Variants in RALGDS observed in about 807,000 individuals in gnomAD.
RALGDS encodes the protein ral guanine nucleotide exchange factor.
In RALGDS, 44 loss-of-function variants were observed where a neutral mutation model predicts 99.8. The observed-to-expected ratio is 0.44, with a 90% CI of 0.35 to 0.57. The LOEUF is 0.57. Among genes scored for constraint, RALGDS ranks in the 20% least tolerant of loss-of-function variants. The probability of loss-of-function intolerance (pLI) is 0.01; values close to 1 mark genes in which losing one functional copy is unlikely to be tolerated. For missense variants in RALGDS, 1,022 were observed against 1,203.1 expected, an observed-to-expected ratio of 0.85 and a Z score of 2.23; for synonymous variants, 529 against 505.0, an observed-to-expected ratio of 1.05 and a Z score of -0.64.
chr9:133,126,805 C>A (rs922715292), intron 1 of RALGDS, among the ~76,000 whole-genome samples: 1 of 152,214 alleles, frequency 6.6e-6, no homozygotes. Context: ...AGCAGGCAGA[C>A]GGAGGCGAGG....
intron 1 of RALGDS, among the ~76,000 whole-genome samples, chr9:133,118,047 C>T (rs572600695): frequency 6.6e-5 from 10 of 152,330 alleles, no homozygotes; most frequent in African/African-American, 2.4e-4. Flanking sequence ...GAGCATCCCC[C>T]GCCTGGAGAA....
chr9:133,120,434 C>T (rs542360078), intron 1 of RALGDS, among the ~76,000 whole-genome samples: 1 of 137,884 alleles, frequency 7.3e-6, no homozygotes, highest in Non-Finnish European at 1.6e-5. Flanking sequence ...CCCGACCCCC[C>T]CCCCACCCCG....
exon 1 of RALGDS, chr9:133,131,032 G>A: frequency 6.5e-7 from 1 of 1,534,024 alleles, no homozygotes; most frequent in Non-Finnish European, 8.7e-7. Flanking sequence ...AACAGCAGAG[G>A]CGGGGAGGAG....
Position 133,104,707 on chromosome 9 carries a change from G to A in RALGDS, c.1603-376C>T, listed in dbSNP as rs567712413. 2.2e-5 allele frequency: 5 copies of A among 229,756 alleles called. No homozygotes were observed. In the East Asian group the frequency reaches 4.8e-4, roughly 22 times the overall value. 14.2% of individuals were successfully genotyped at this position (229,756 alleles called of 1,614,324 possible). On this transcript the variant is annotated intron_variant, in intron 9 of 17. Coordinates refer to ENST00000372050, the MANE Select transcript of RALGDS (RefSeq NM_006266.4). ...CACACCTATAATCCCAGCTACTTGG[G>A]AAGCTGAGGCAGGAGAATCCCTTGA...
chr9:133,110,760 T>G (rs1007379436), intron 2 of RALGDS, among the ~76,000 whole-genome samples: 1 of 151,996 alleles, frequency 6.6e-6, no homozygotes, highest in Non-Finnish European at 1.5e-5. Context: ...ATCCCCCAGC[T>G]CTACAAAAAA....
chr9:133,115,737 C>T (rs1029200086), intron 1 of RALGDS, among the ~76,000 whole-genome samples: 12 of 152,316 alleles, frequency 7.9e-5, no homozygotes, highest in Admixed American at 5.9e-4. Flanking sequence ...CTGGGGCCGG[C>T]GACGGATGCT....
intron 1 of RALGDS, among the ~76,000 whole-genome samples, chr9:133,142,158 G>A (rs1456352592): frequency 2.0e-5 from 3 of 152,214 alleles, no homozygotes; most frequent in African/African-American, 7.2e-5. Flanking sequence ...GAGATGGGGA[G>A]GGGGGAGTGG....
intron 1 of RALGDS, among the ~76,000 whole-genome samples, chr9:133,140,984 C>CGACG (rs1261496318): frequency 6.6e-6 from 1 of 152,164 alleles, no homozygotes; most frequent in Non-Finnish European, 1.5e-5. Context: ...TGAGCCCAGC[C>CGACG]GACGACCCCC....
intron 1 of RALGDS, chr9:133,129,223 G>C (rs763936214): frequency 1.3e-6 from 2 of 1,597,312 alleles, no homozygotes; most frequent in Non-Finnish European, 1.7e-6. Flanking sequence ...CCCTTCTCCT[G>C]GCGGTCACCA....
chr9:133,126,867 C>T (rs1337544419), intron 1 of RALGDS, among the ~76,000 whole-genome samples: 4 of 152,174 alleles, frequency 2.6e-5, no homozygotes, highest in African/African-American at 9.7e-5. Flanking sequence ...GCAGCTGTCT[C>T]GTTTAGGGAA....
Position 133,108,084 on chromosome 9 carries a change from T to C in RALGDS, c.1101A>G (p.Ser367=). The C allele has an allele frequency of 6.2e-7, 1 of 1,613,622 alleles. No individual in the cohort carries two copies. The highest frequency in any genetic ancestry group is 8.5e-7 in the Non-Finnish European group (1 of 1,180,000). ...TCAGCCCGTTCTCTGCAACCACAGG[T>C]GAAGGCCAGGAAGGCTGTAATGATG... ...PVPSLQPSWP[S]PVVAENGLSE... Residue 367 remains serine (S), a synonymous_variant, in exon 6 of 18, where the codon TCA becomes TCG. Transcript: ENST00000372050.
Position 133,119,418 on chromosome 9 carries a change from G to C in RALGDS, c.183+1554C>G, listed in dbSNP as rs577581049. Among the ~76,000 whole-genome samples, 3 of 152,072 alleles carry C rather than the reference G, an allele frequency of 2.0e-5. No homozygotes were observed. The East Asian group carries it at 5.8e-4, about 30-fold the overall frequency. ...TGACCCAGCCAGAAGCTTCCCCTTT[G>C]ATTTCTAAATAGCAGTCGAGGTCTG... On this transcript the variant is annotated intron_variant, in intron 1 of 17. Transcript: ENST00000372050.
intron 1 of RALGDS, among the ~76,000 whole-genome samples, chr9:133,142,995 C>G (rs1436136014): frequency 6.6e-6 from 1 of 152,264 alleles, no homozygotes; most frequent in African/African-American, 2.4e-5. Context: ...CTCAGTTTCC[C>G]CACCTGGAAG....
intron 1 of RALGDS, among the ~76,000 whole-genome samples, chr9:133,148,295 C>G (rs1485509908): frequency 6.6e-6 from 1 of 152,194 alleles, no homozygotes; most frequent in East Asian, 1.9e-4. Flanking sequence ...GTGATCACAG[C>G]GGTGAACACA....
intron 8 of RALGDS, 126 bp downstream of exon 8, chr9:133,106,519 C>T (rs781521716): frequency 1.1e-5 from 8 of 707,962 alleles, no homozygotes; most frequent in Non-Finnish European, 2.0e-5. Context: ...GAGCTGCTGC[C>T]AACTCAGGTC....
At chr9:133,147,199 C>G (rs989092215) in intron 1 of RALGDS, among the ~76,000 whole-genome samples, 1 of 152,212 alleles carries the variant, frequency 6.6e-6, no homozygotes, top group African/African-American at 2.4e-5. Flanking sequence ...GCTGAGCCTT[C>G]TCCATCACAC....
intron 2 of RALGDS, among the ~76,000 whole-genome samples, chr9:133,110,784 C>G (rs566541189): frequency 6.6e-6 from 1 of 151,986 alleles, no homozygotes; most frequent in South Asian, 2.1e-4. Flanking sequence ...GTTTACAAAA[C>G]TTAAAAATTA....
chr9:133,132,993 C>G (rs993265387), upstream of RALGDS, among the ~76,000 whole-genome samples: 4 of 152,196 alleles, frequency 2.6e-5, no homozygotes, highest in Non-Finnish European at 5.9e-5. Context: ...TGGCAGGGAA[C>G]CAGGCCACCC....
upstream of RALGDS, among the ~76,000 whole-genome samples, chr9:133,125,258 G>T (rs1187802898): frequency 2.0e-5 from 3 of 152,302 alleles, no homozygotes; most frequent in Admixed American, 6.5e-5. Flanking sequence ...TTACATCTTG[G>T]GCTATCTGTG....
Sources: allele counts gnomAD v4.1 joint callset (sites outside exome capture counted in the v4.1 genomes callset), GRCh38; gene constraint gnomAD v4.1.1; transcripts MANE v1.5; gene names NCBI Gene and HGNC (gene_info 2026-07-23, HGNC 2026-07-21).